The following ROBO2 variants were observed in gnomAD, a reference collection of about 807,000 sequenced individuals.
ROBO2 encodes the protein roundabout guidance receptor 2.
ROBO2 carries 53 observed loss-of-function variants against 160.8 expected under a neutral mutation model. That is an observed-to-expected ratio of 0.33 (90% CI 0.26 to 0.41). The LOEUF is 0.41. ROBO2 is among the 10% of genes least tolerant of loss of function. The pLI, the probability that ROBO2 is intolerant of heterozygous loss-of-function variation, is 1.00. For missense variants in ROBO2, 1,577 were observed against 1,722.4 expected (o/e 0.92, Z 1.49); for synonymous variants, 664 against 611.7 (o/e 1.09, Z -1.26).
intron 2 of ROBO2, among the ~76,000 whole-genome samples, chr3:77,188,874 G>A (rs1215096382): frequency 6.6e-6 from 1 of 151,582 alleles, no homozygotes; most frequent in Admixed American, 6.6e-5. Context: ...TTCAAACAAT[G>A]CTTGGTAGGA....
intron 20 of ROBO2, 61 bp downstream of exon 21, chr3:77,602,552 A>C (rs747620062): frequency 6.3e-7 from 1 of 1,581,118 alleles, no homozygotes; most frequent in East Asian, 2.2e-5. Context: ...TGAGATAGAA[A>C]TTAGTATTTG....
At chr3:76,080,891 G>T (rs920832059) in intron 2 of ROBO2, among the ~76,000 whole-genome samples, 31 of 151,984 alleles carry the variant, frequency 2.0e-4, no homozygotes, top group South Asian at 4.1e-4. Context: ...CCTTGATTTT[G>T]CCAGTATGAC....
At chr3:77,627,012 T>C (rs964148930) in intron 23 of ROBO2, among the ~76,000 whole-genome samples, 4 of 152,130 alleles carry the variant, frequency 2.6e-5, no homozygotes, top group African/African-American at 9.7e-5. Flanking sequence ...TCTACAAAAC[T>C]TAAAGGAAAA....
chr3:77,097,315 G>C (rs529567411), intron 1 of ROBO2, among the ~76,000 whole-genome samples: 1 of 152,098 alleles, frequency 6.6e-6, no homozygotes, highest in Admixed American at 6.6e-5. Context: ...TTCGGGGAAG[G>C]GATCTCTTAT....
intron 2 of ROBO2, among the ~76,000 whole-genome samples, chr3:76,742,871 C>T (rs939094115): frequency 2.5e-4 from 35 of 142,362 alleles, no homozygotes; most frequent in African/African-American, 8.4e-4. Context: ...TATATTAACT[C>T]CTTAATTTAA....
intron 2 of ROBO2, among the ~76,000 whole-genome samples, chr3:76,603,376 A>G (rs1230665804): frequency 7.2e-6 from 1 of 138,650 alleles, no homozygotes; most frequent in African/African-American, 2.7e-5. Context: ...ATATATATAT[A>G]TATATATATA....
intron 2 of ROBO2, among the ~76,000 whole-genome samples, chr3:76,312,169 C>T (rs1406758651): frequency 1.3e-5 from 2 of 152,116 alleles, no homozygotes; most frequent in Admixed American, 6.6e-5. Context: ...ACTTTCTGGA[C>T]ACTGTTTGTA....
intron 2 of ROBO2, among the ~76,000 whole-genome samples, chr3:77,191,074 C>A (rs1471583873): frequency 6.6e-6 from 1 of 152,094 alleles, no homozygotes; most frequent in East Asian, 1.9e-4. Flanking sequence ...TGACTATAGA[C>A]TCCCATTAAA....
intron 2 of ROBO2, among the ~76,000 whole-genome samples, chr3:77,387,044 ATTCCCAAATTTGGGAT>A (rs2074198465): frequency 6.6e-6 from 1 of 152,068 alleles, no homozygotes; most frequent in Non-Finnish European, 1.5e-5. Context: ...AGCCGCTCAC[ATTCCCAAATTTGGGAT>A]GTTAGAGTGA....
At chr3:76,427,540 G>C (rs2076270706) in intron 2 of ROBO2, among the ~76,000 whole-genome samples, 1 of 152,106 alleles carries the variant, frequency 6.6e-6, no homozygotes, top group Non-Finnish European at 1.5e-5. Context: ...TTATTTCATG[G>C]GGGTTTGAAG....
chr3:76,580,858 T>TA (rs528114149), intron 2 of ROBO2, among the ~76,000 whole-genome samples: 7 of 151,874 alleles, frequency 4.6e-5, no homozygotes, highest in East Asian at 1.9e-4. Context: ...TTCTGAAAGA[T>TA]AAAAAAAACT....
intron 2 of ROBO2, among the ~76,000 whole-genome samples, chr3:76,109,934 G>A (rs1197480874): frequency 6.6e-6 from 1 of 151,730 alleles, no homozygotes; most frequent in Non-Finnish European, 1.5e-5. Flanking sequence ...GACTTTCTGA[G>A]TTATTTCACT....
intron 2 of ROBO2, among the ~76,000 whole-genome samples, chr3:76,637,904 A>G (rs773809704): frequency 6.6e-6 from 1 of 152,316 alleles, no homozygotes; most frequent in East Asian, 1.9e-4. Context: ...TTCTTGAAAT[A>G]CTATTGAGTC....
intron 2 of ROBO2, among the ~76,000 whole-genome samples, chr3:76,937,625 T>A (rs1336326029): frequency 6.6e-6 from 1 of 151,452 alleles, no homozygotes; most frequent in African/African-American, 2.5e-5. Flanking sequence ...GCATATGTGA[T>A]GTTGGGTCAG....
chr3:76,028,432 G>T (rs1405784396), intron 2 of ROBO2, among the ~76,000 whole-genome samples: 3 of 151,808 alleles, frequency 2.0e-5, no homozygotes, highest in Admixed American at 6.6e-5. Context: ...AAAAGTAACA[G>T]AAATATTACC....
chr3:77,481,538 G>A (rs1237949784), intron 4 of ROBO2, among the ~76,000 whole-genome samples: 2 of 152,092 alleles, frequency 1.3e-5, no homozygotes, highest in Admixed American at 1.3e-4. Context: ...CAACTCTCAT[G>A]CATTTATCAG....
rs55778369 is a variant in ROBO2, at chr3:76,141,159, C to CTATATATATA, written c.109+203577_109+203586dup. ...TCTCTCTCTCTCTCTCTCTCTCTCT[C>CTATATATATA]TATATATATATATATATATATATAT... On this transcript the variant is annotated intron_variant, in intron 2 of 26. Coordinates refer to the ROBO2 transcript ENST00000487694. 6.5e-3 allele frequency among the ~76,000 whole-genome samples: 60 copies of CTATATATATA among 9,168 alleles called. 2 individuals carry two copies. The highest frequency in any genetic ancestry group is 0.023 in the East Asian group (3 of 130). The allele number at this position is 9,168 out of a possible 152,430, so 6.0% of individuals were successfully genotyped here. A position where few individuals can be genotyped will look rare whatever the true frequency, so the allele number is the denominator to read the frequency against.
rs1560275679 is a variant in ROBO2 at position 77,221,848 on chromosome 3, C to CTTTTCCTTTTTTTTTTTTTTTTTTTTTT, written c.388+123512_388+123513insCCTTTTTTTTTTTTTTTTTTTTTTTTTT. Among the ~76,000 whole-genome samples, 2 of 145,006 alleles carry CTTTTCCTTTTTTTTTTTTTTTTTTTTTT rather than the reference C, an allele frequency of 1.4e-5. 1 individual carries two copies. The highest frequency in any genetic ancestry group is 5.2e-5 in the African/African-American group (2 of 38,362). ...ACTTTTTCTTTTTTCTTTTCTTTTTCTTTTTCTTTTTTTTTTTTTTTTTGA... is the reference window on the plus strand; with the variant it reads ...ACTTTTTCTTTTTTCTTTTCTTTTTCTTTTCCTTTTTTTTTTTTTTTTTTTTTTTTTTTCTTTTTTTTTTTTTTTTTGA... On this transcript the variant is annotated intron_variant, in intron 2 of 25. Coordinates refer to ENST00000461745, the Ensembl canonical transcript of ROBO2.
At chr3:76,046,338 T>C (rs2067445786) in intron 2 of ROBO2, among the ~76,000 whole-genome samples, 1 of 151,954 alleles carries the variant, frequency 6.6e-6, no homozygotes. Context: ...TATTTCAAGA[T>C]GAAGTGAGAC....
Sources: gnomAD v4.1 joint callset for allele counts (sites outside exome capture counted in the v4.1 genomes callset) on GRCh38, gnomAD v4.1.1 for gene constraint, MANE v1.5 for transcripts, NCBI Gene and HGNC (gene_info 2026-07-23, HGNC 2026-07-21) for gene names.